The following SOX5 variants were observed in gnomAD, a reference collection of about 807,000 sequenced individuals.
The protein encoded by SOX5 is transcription factor SOX-5.
In SOX5, 9 loss-of-function variants were observed where a neutral mutation model predicts 92.0. The observed-to-expected ratio is 0.10, with a 90% confidence interval of 0.06 to 0.17. The LOEUF is 0.17. Among genes scored for constraint, SOX5 ranks in the 10% least tolerant of loss-of-function variants. The pLI, the probability that SOX5 is intolerant of heterozygous loss-of-function variation, is 1.00. For synonymous variants in SOX5, 344 were observed against 336.3 expected (o/e 1.02, Z -0.25); for missense variants, 642 against 944.5 (o/e 0.68, Z 4.20).
chr12:24,149,385 T>A (rs1406914533), intron 4 of SOX5, among the ~76,000 whole-genome samples: 7 of 152,144 alleles, frequency 4.6e-5, no homozygotes, highest in Non-Finnish European at 8.8e-5. Context: ...AATTTAAAAA[T>A]GGGCATGAGA....
At chr12:23,652,092 T>A (rs936628793) in intron 7 of SOX5, among the ~76,000 whole-genome samples, 3 of 152,020 alleles carry the variant, frequency 2.0e-5, no homozygotes, top group Admixed American at 2.0e-4. Context: ...TAATCTTAAA[T>A]CCTTCTCCTA....
intron 1 of SOX5, among the ~76,000 whole-genome samples, chr12:24,444,316 G>A (rs576432411): frequency 2.0e-5 from 3 of 151,706 alleles, no homozygotes; most frequent in African/African-American, 4.8e-5. Flanking sequence ...ACCCATGCAC[G>A]TGTGTGATTA....
At chr12:23,821,287 T>G (rs2096110176) in intron 3 of SOX5, among the ~76,000 whole-genome samples, 2 of 152,246 alleles carry the variant, frequency 1.3e-5, no homozygotes, top group Admixed American at 6.5e-5. Flanking sequence ...ATCCTGAGAC[T>G]TTGCTGAAGT....
At chr12:24,236,475 A>G (rs557835492) in intron 3 of SOX5, among the ~76,000 whole-genome samples, 1 of 152,348 alleles carries the variant, frequency 6.6e-6, no homozygotes, top group African/African-American at 2.4e-5. Context: ...AGATTGTTGC[A>G]AGCTAGCATG....
intron 13 of SOX5, among the ~76,000 whole-genome samples, chr12:23,540,469 T>C (rs1941760392): frequency 6.6e-6 from 1 of 151,788 alleles, no homozygotes; most frequent in African/African-American, 2.4e-5. Context: ...ATCAAAAGTA[T>C]TTGATGCTCA....
At chr12:24,416,260 G>C (rs1439210838) in intron 1 of SOX5, among the ~76,000 whole-genome samples, 1 of 152,174 alleles carries the variant, frequency 6.6e-6, no homozygotes, top group African/African-American at 2.4e-5. Flanking sequence ...GGTCAGTCCT[G>C]GTTTATTCTC....
chr12:23,818,781 T>C (rs913264967), intron 3 of SOX5, among the ~76,000 whole-genome samples: 18 of 152,180 alleles, frequency 1.2e-4, no homozygotes, highest in African/African-American at 4.3e-4. Flanking sequence ...TATTTTTCTA[T>C]TCTTAAATTT....
intron 1 of SOX5, among the ~76,000 whole-genome samples, chr12:23,946,750 A>G (rs1944659324): frequency 6.6e-6 from 1 of 151,926 alleles, no homozygotes; most frequent in Non-Finnish European, 1.5e-5. Context: ...CCTTACAAAT[A>G]ATTTTTTAGA....
intron 4 of SOX5, among the ~76,000 whole-genome samples, chr12:24,164,918 G>A (rs1953214638): frequency 6.6e-6 from 1 of 151,958 alleles, no homozygotes; most frequent in Non-Finnish European, 1.5e-5. Flanking sequence ...TTACAAGAAG[G>A]TATCTTTGAA....
At chr12:23,570,479 A>C (rs992327661) in intron 10 of SOX5, among the ~76,000 whole-genome samples, 1 of 152,088 alleles carries the variant, frequency 6.6e-6, no homozygotes, top group Non-Finnish European at 1.5e-5. Context: ...CCCTTGTATA[A>C]ATTTTGCTTA....
intron 4 of SOX5, among the ~76,000 whole-genome samples, chr12:24,136,817 G>C (rs184831215): frequency 5.6e-4 from 85 of 152,318 alleles, no homozygotes; most frequent in African/African-American, 2.0e-3. Flanking sequence ...TTAGGGTTTT[G>C]TTTTTGCTTT....
chr12:24,059,183 G>A (rs941553762), intron 4 of SOX5, among the ~76,000 whole-genome samples: 1 of 152,102 alleles, frequency 6.6e-6, no homozygotes, highest in African/African-American at 2.4e-5. Context: ...ATCTCTAAGA[G>A]ATTTCAATAT....
At chr12:24,378,533 A>G (rs1005758038) in intron 1 of SOX5, among the ~76,000 whole-genome samples, 1 of 152,216 alleles carries the variant, frequency 6.6e-6, no homozygotes, top group African/African-American at 2.4e-5. Flanking sequence ...AAGGAGGAGC[A>G]CTGTATAGCT....
chr12:24,425,904 C>T (rs1277221582), intron 1 of SOX5, among the ~76,000 whole-genome samples: 1 of 152,334 alleles, frequency 6.6e-6, no homozygotes, highest in Middle Eastern at 3.4e-3. Context: ...TCCTCATCCA[C>T]ATCACCTAAA....
intron 4 of SOX5, among the ~76,000 whole-genome samples, chr12:24,046,268 C>T (rs7966115): frequency 0.21 from 23,766 of 113,116 alleles, 2,175 homozygotes; most frequent in Non-Finnish European, 0.29. Flanking sequence ...GATGTAAAAG[C>T]GAAACTTGGG....
intron 4 of SOX5, among the ~76,000 whole-genome samples, chr12:24,144,652 C>T (rs897861058): frequency 2.6e-5 from 4 of 151,844 alleles, no homozygotes; most frequent in Non-Finnish European, 4.4e-5. Context: ...AGCAAGACCC[C>T]ATCTTTATGA....
intron 9 of SOX5, among the ~76,000 whole-genome samples, chr12:23,600,430 A>C (rs547914426): frequency 6.7e-6 from 1 of 149,678 alleles, no homozygotes; most frequent in South Asian, 2.1e-4. Context: ...GAAAAATTTT[A>C]TTGTAACAGC....
chr12:23,749,928 C>A (rs1253453358), intron 4 of SOX5, among the ~76,000 whole-genome samples: 3 of 151,688 alleles, frequency 2.0e-5, no homozygotes, highest in Non-Finnish European at 2.9e-5. Context: ...CTACAAGGGG[C>A]TGGTCAATAT....
intron 4 of SOX5, among the ~76,000 whole-genome samples, chr12:24,119,034 G>T (rs1237851228): frequency 7.3e-5 from 11 of 150,020 alleles, no homozygotes; most frequent in Non-Finnish European, 1.6e-4. Flanking sequence ...TGTAAAAAAT[G>T]AGGAATATTT....
Sources: allele counts gnomAD v4.1 joint callset (sites outside exome capture counted in the v4.1 genomes callset), GRCh38; gene constraint gnomAD v4.1.1; transcripts MANE v1.5; gene names NCBI Gene and HGNC (gene_info 2026-07-23, HGNC 2026-07-21).